DIAPH2: variants seen among roughly 807,000 people sequenced by gnomAD.
DIAPH2 encodes the protein diaphanous related formin 2, also known as protein diaphanous homolog 2.
In DIAPH2, 35 loss-of-function variants were observed where a neutral mutation model predicts 92.7. That is an observed-to-expected ratio of 0.38 (90% CI 0.29 to 0.50). The LOEUF is 0.50. DIAPH2 is among the 20% of genes least tolerant of loss of function. DIAPH2 has a pLI of 0.94. For missense variants in DIAPH2, 701 were observed against 819.5 expected (o/e 0.86, Z 1.77); for synonymous variants, 301 against 280.4 (o/e 1.07, Z -0.73).
chrX:97,175,711 T>C lies in DIAPH2; in HGVS notation c.2719+33917T>C, dbSNP rs192753457. On this transcript the variant is annotated intron_variant, in intron 22 of 26. Coordinates refer to ENST00000324765, the MANE Select transcript of DIAPH2 (RefSeq NM_006729.5). Reference sequence around the variant, plus strand: ...CCCAACCCTTGGTCATTTCTACTGATGATTTGCAGTAAAATAGCTGACAAC... The same window carrying C: ...CCCAACCCTTGGTCATTTCTACTGACGATTTGCAGTAAAATAGCTGACAAC... Among the ~76,000 whole-genome samples the C allele has an allele frequency of 9.8e-5, 11 of 112,319 alleles. No individual in the cohort carries two copies. The East Asian group carries it at 3.0e-3, about 31-fold the overall frequency.
At chrX:96,880,501 AT>A (rs1467519280) in intron 4 of DIAPH2, among the ~76,000 whole-genome samples, 2 of 111,826 alleles carry the variant, frequency 1.8e-5, no homozygotes, top group South Asian at 3.7e-4. Context: ...CATTATTAAC[AT>A]TTTTTTAAAT....
At chrX:97,008,760 C>T (rs1020672747) in intron 17 of DIAPH2, among the ~76,000 whole-genome samples, 1 of 111,451 alleles carries the variant, frequency 9.0e-6, no homozygotes, top group African/African-American at 3.3e-5. Flanking sequence ...TGTTCTTCTT[C>T]CTTACTGTCT....
At chrX:97,531,158 G>A (rs985625417) in intron 26 of DIAPH2, among the ~76,000 whole-genome samples, 48 of 111,291 alleles carry the variant, frequency 4.3e-4, no homozygotes, top group South Asian at 1.9e-3. Flanking sequence ...AACACTCATC[G>A]ACTTGATTAG....
At chrX:96,984,816 T>C (rs548791330) in intron 17 of DIAPH2, among the ~76,000 whole-genome samples, 1 of 111,717 alleles carries the variant, frequency 9.0e-6, no homozygotes, top group South Asian at 3.8e-4. Context: ...ACAGATAGCA[T>C]AGACAGAAAG....
intron 4 of DIAPH2, among the ~76,000 whole-genome samples, chrX:96,782,400 A>G (rs2064424620): frequency 9.1e-6 from 1 of 109,952 alleles, no homozygotes; most frequent in African/African-American, 3.3e-5. Flanking sequence ...GGTTCACGCC[A>G]TTCTCCTGCC....
intron 25 of DIAPH2, among the ~76,000 whole-genome samples, chrX:97,426,358 G>A (rs1246975949): frequency 2.8e-5 from 3 of 106,440 alleles, no homozygotes; most frequent in Non-Finnish European, 3.9e-5. Context: ...GCGTGATCTC[G>A]GCTCACCACA....
intron 23 of DIAPH2, among the ~76,000 whole-genome samples, chrX:97,323,275 T>C (rs1322058624): frequency 9.9e-6 from 1 of 101,272 alleles, no homozygotes; most frequent in Non-Finnish European, 2.0e-5. Flanking sequence ...TGAGCCACTG[T>C]GCCCGCCCTA....
At chrX:97,207,967 C>T (rs754954048) in intron 22 of DIAPH2, among the ~76,000 whole-genome samples, 11 of 111,190 alleles carry the variant, frequency 9.9e-5, no homozygotes, top group African/African-American at 3.6e-4. Flanking sequence ...GCCTGGCCAA[C>T]ATGGTGAAAC....
chrX:97,301,850 G>T (rs964374098), intron 23 of DIAPH2, among the ~76,000 whole-genome samples: 1 of 110,958 alleles, frequency 9.0e-6, no homozygotes, highest in South Asian at 3.8e-4. Context: ...AAGATCAATA[G>T]AACTCAACAA....
chrX:97,399,568 G>C (rs1159211864), intron 25 of DIAPH2, among the ~76,000 whole-genome samples: 1 of 111,924 alleles, frequency 8.9e-6, no homozygotes, highest in Non-Finnish European at 1.9e-5. Context: ...CTTTGGGCTT[G>C]TTGCACTGTC....
At chrX:96,780,995 C>T (rs747659988) in intron 4 of DIAPH2, among the ~76,000 whole-genome samples, 1 of 108,840 alleles carries the variant, frequency 9.2e-6, no homozygotes, top group East Asian at 2.9e-4. Context: ...TTAGTAGAGA[C>T]GGGGTTTTGC....
intron 17 of DIAPH2, among the ~76,000 whole-genome samples, chrX:96,995,742 CTTTTT>C (rs1164405949): frequency 9.7e-6 from 1 of 103,433 alleles, no homozygotes; most frequent in Non-Finnish European, 2.0e-5. Flanking sequence ...AGTATATTTT[CTTTTT>C]TTTTTTCTCA....
chrX:96,963,043 T>C (rs1429148068), intron 16 of DIAPH2, among the ~76,000 whole-genome samples: 1 of 111,863 alleles, frequency 8.9e-6, no homozygotes, highest in African/African-American at 3.3e-5. Flanking sequence ...ATTCCCTCAG[T>C]TTTTGCGTGT....
chrX:96,804,234 A>G (rs6615868), intron 4 of DIAPH2, among the ~76,000 whole-genome samples: 12,322 of 111,124 alleles, frequency 0.11, 595 homozygotes, highest in East Asian at 0.32. Context: ...TCTTCAATCC[A>G]GACTTCTCAC....
chrX:97,191,369 G>A (rs1333377155), intron 22 of DIAPH2, among the ~76,000 whole-genome samples: 1 of 110,996 alleles, frequency 9.0e-6, no homozygotes, highest in African/African-American at 3.3e-5. Context: ...TTGCTTCTTG[G>A]CCTTTTGGCT....
chrX:96,949,985 C>T (rs1435959410), intron 15 of DIAPH2, among the ~76,000 whole-genome samples: 1 of 111,375 alleles, frequency 9.0e-6, no homozygotes, highest in Non-Finnish European at 1.9e-5. Flanking sequence ...TCAAAAGTCA[C>T]CAACAAACTC....
intron 22 of DIAPH2, among the ~76,000 whole-genome samples, chrX:97,157,861 A>T (rs773070412): frequency 2.0e-4 from 23 of 112,217 alleles, no homozygotes; most frequent in African/African-American, 6.8e-4. Flanking sequence ...TGTTCTCAAA[A>T]CTAATTATGG....
chrX:96,819,998 A>G (rs909560641), intron 4 of DIAPH2, among the ~76,000 whole-genome samples: 1 of 112,011 alleles, frequency 8.9e-6, no homozygotes, highest in African/African-American at 3.2e-5. Context: ...TCTTATTGGC[A>G]TCTCCTCTCC....
chrX:97,044,541 TA>T (rs1202209620), intron 17 of DIAPH2, among the ~76,000 whole-genome samples: 31 of 111,427 alleles, frequency 2.8e-4, no homozygotes, highest in African/African-American at 9.8e-4. Flanking sequence ...TTATTGATAT[TA>T]TTTCCTGTTA....
Sources: allele counts gnomAD v4.1 joint callset (sites outside exome capture counted in the v4.1 genomes callset), GRCh38; gene constraint gnomAD v4.1.1; transcripts MANE v1.5; gene names NCBI Gene and HGNC (gene_info 2026-07-23, HGNC 2026-07-21).